Variants in CHD6 observed in about 807,000 individuals in gnomAD.
CHD6 encodes ATP-dependent chromatin remodeler CHD6.
CHD6 carries 50 observed loss-of-function variants against 276.9 expected under a neutral mutation model. The ratio of observed to expected loss-of-function variants is 0.18; its 90% CI spans 0.14 to 0.23. The LOEUF is 0.23. Ranked by LOEUF, CHD6 falls within the 10% of genes least tolerant of loss-of-function variation. CHD6 has a pLI of 1.00. For missense variants in CHD6, 2,564 were observed against 3,365.8 expected (o/e 0.76, Z 5.89); for synonymous variants, 1,173 against 1,229.3 (o/e 0.95, Z 0.96).
intron 1 of CHD6, among the ~76,000 whole-genome samples, chr20:41,602,578 T>C (rs939160959): frequency 2.6e-5 from 4 of 152,208 alleles, no homozygotes; most frequent in Admixed American, 1.3e-4. Flanking sequence ...CAGTCTCTAA[T>C]CCAACTGTGC....
Position 41,512,913 on chromosome 20 carries a change from G to A in CHD6, c.785C>T (p.Thr262Ile), listed in dbSNP as rs775133152. ...TCGACCAGCTCCAAGAACAGCAATTGTTTCCCCATCATCATCCACCACTTT... is the reference window on the plus strand; with the variant it reads ...TCGACCAGCTCCAAGAACAGCAATTATTTCCCCATCATCATCCACCACTTT... ...DFKVVDDDGETIAVLGAGRTS... is the reference protein window; with the variant it reads ...DFKVVDDDGEIIAVLGAGRTS... The change falls in exon 5 of 37, where the codon ACA becomes ATA. Residue 262 changes from threonine (T) to isoleucine (I), a missense_variant. By Grantham distance (89) the Thr-to-Ile change is moderately conservative. Transcript: ENST00000373233. 13 of 1,614,020 alleles carry A rather than the reference G, an allele frequency of 8.1e-6. No homozygotes were observed. Among genetic ancestry groups the A allele is most frequent in the Admixed American group, 1.7e-5 (1 of 60,016 alleles).
chr20:41,436,769 T>C (rs1433438628), intron 27 of CHD6, among the ~76,000 whole-genome samples: 1 of 152,164 alleles, frequency 6.6e-6, no homozygotes, highest in African/African-American at 2.4e-5. Context: ...AAAGTTTACA[T>C]ACTGTATGAT....
intron 3 of CHD6, among the ~76,000 whole-genome samples, chr20:41,527,969 A>G (rs1254760689): frequency 1.3e-5 from 2 of 152,146 alleles, no homozygotes; most frequent in African/African-American, 4.8e-5. Context: ...GGAGCTGCAC[A>G]CAGGTCCTCC....
chr20:41,405,520 A>T (rs761768510), intron 36 of CHD6, 31 bp from the exon 37 acceptor site: 15 of 1,517,312 alleles, frequency 9.9e-6, no homozygotes, highest in Non-Finnish European at 1.3e-5. Flanking sequence ...AAAATGCTGA[A>T]GGCAACAGGA....
At position 41,605,304 on chromosome 20, in the gene CHD6, T is replaced by A. The variant is rs538604834; in HGVS notation, c.-24+13036A>T. Reference sequence around the variant, plus strand: ...TAGAAAGGACTATAAATCCTTTAAGTATAAAAAATGTTTTTAATTTCTACA... The same window carrying A: ...TAGAAAGGACTATAAATCCTTTAAGAATAAAAAATGTTTTTAATTTCTACA... On this transcript the variant is annotated intron_variant, in intron 1 of 36. Transcript: ENST00000373233. Among the ~76,000 whole-genome samples the A allele has an allele frequency of 7.2e-5, 11 of 152,326 alleles. No homozygotes were observed. The South Asian group carries it at 2.3e-3, about 32-fold the overall frequency.
chr20:41,602,229 C>G (rs765474922), intron 1 of CHD6, among the ~76,000 whole-genome samples: 2 of 152,160 alleles, frequency 1.3e-5, no homozygotes, highest in Non-Finnish European at 2.9e-5. Context: ...ACATGAATTA[C>G]AAGAATTTCA....
At position 41,495,279 on chromosome 20, in the gene CHD6, A is replaced by G. The variant is rs1000165752; in HGVS notation, c.1093-1335T>C. On this transcript the variant is annotated intron_variant, in intron 8 of 36. Coordinates refer to ENST00000373233, the MANE Select transcript of CHD6 (RefSeq NM_032221.5). ...AGACAATAGAATATCATTCAGCTTTAAAAAAGAAAGAAATCCCATCATTTG... is the reference window on the plus strand; with the variant it reads ...AGACAATAGAATATCATTCAGCTTTGAAAAAGAAAGAAATCCCATCATTTG... Among the ~76,000 whole-genome samples the G allele has an allele frequency of 3.9e-5, 6 of 152,256 alleles. No individual in the cohort carries two copies. The East Asian group carries it at 1.2e-3, about 29-fold the overall frequency.
chr20:41,442,062 T>C (rs1258267036), intron 25 of CHD6, among the ~76,000 whole-genome samples: 1 of 152,164 alleles, frequency 6.6e-6, no homozygotes, highest in Non-Finnish European at 1.5e-5. Context: ...AAGCCAATGC[T>C]AATGGGGTCA....
At chr20:41,550,998 T>C (rs2045136993) in intron 2 of CHD6, among the ~76,000 whole-genome samples, 1 of 152,206 alleles carries the variant, frequency 6.6e-6, no homozygotes, top group South Asian at 2.1e-4. Flanking sequence ...ATTGGTCACA[T>C]CTCTCTTTCA....
intron 5 of CHD6, among the ~76,000 whole-genome samples, chr20:41,504,462 T>C (rs1201619235): frequency 1.4e-5 from 2 of 146,694 alleles, no homozygotes; most frequent in Non-Finnish European, 3.0e-5. Context: ...GGCTGGAAAG[T>C]GCAGTGGAAC....
rs11906044 is a variant in CHD6 at position 41,403,035 on chromosome 20, A to G, written c.*1558T>C. On this transcript the variant is annotated 3_prime_UTR_variant, in exon 37 of 37. Coordinates refer to ENST00000373233, the MANE Select transcript of CHD6 (RefSeq NM_032221.5). ...TTTAACAGACTTCTTTGAGATGCTC[A>G]TTTTAACATTTACATAATTTATAAT... 2 of 214,104 alleles carry G rather than the reference A, an allele frequency of 9.3e-6. No individual in the cohort carries two copies. The highest frequency in any genetic ancestry group is 4.5e-5 in the African/African-American group (2 of 44,178). The allele number at this position is 214,104 out of a possible 1,614,324, so 13.3% of individuals were successfully genotyped here. A position where few individuals can be genotyped will look rare whatever the true frequency, so the allele number is the denominator to read the frequency against.
intron 1 of CHD6, among the ~76,000 whole-genome samples, chr20:41,566,959 C>T (rs2045361952): frequency 4.6e-5 from 7 of 152,176 alleles, no homozygotes; most frequent in Admixed American, 4.6e-4. Flanking sequence ...TGACCAAGGA[C>T]ACCTGGTTAG....
intron 2 of CHD6, among the ~76,000 whole-genome samples, chr20:41,541,939 A>G (rs1324849960): frequency 6.6e-6 from 1 of 152,212 alleles, no homozygotes; most frequent in African/African-American, 2.4e-5. Context: ...ATATGCCGTC[A>G]ACCTAATTCT....
intron 1 of CHD6, among the ~76,000 whole-genome samples, chr20:41,608,676 T>C (rs1380745490): frequency 7.9e-5 from 12 of 152,178 alleles, no homozygotes; most frequent in Non-Finnish European, 2.9e-5. Context: ...CCATTATGAA[T>C]AATGAAAATG....
intron 1 of CHD6, among the ~76,000 whole-genome samples, chr20:41,617,363 T>C (rs1425648618): frequency 6.6e-6 from 1 of 152,232 alleles, no homozygotes; most frequent in Non-Finnish European, 1.5e-5. Flanking sequence ...TAACTGGAAC[T>C]AGGAATACTT....
intron 2 of CHD6, among the ~76,000 whole-genome samples, chr20:41,542,284 C>T (rs2044957694): frequency 6.6e-6 from 1 of 152,142 alleles, no homozygotes; most frequent in Admixed American, 6.5e-5. Context: ...CATTCCTGGC[C>T]CACATGTAGT....
intron 15 of CHD6, among the ~76,000 whole-genome samples, chr20:41,483,755 G>C (rs560552994): frequency 6.6e-6 from 1 of 152,246 alleles, no homozygotes; most frequent in Non-Finnish European, 1.5e-5. Context: ...GTAGAGAGAG[G>C]ATCTGAGATA....
chr20:41,451,109 A>G lies in CHD6; in HGVS notation c.3524-4T>C. On this transcript the variant is annotated splice_polypyrimidine_tract_variant and splice_region_variant and intron_variant, in intron 22 of 36. Coordinates refer to ENST00000373233, the MANE Select transcript of CHD6 (RefSeq NM_032221.5). ...CTGGGGACTGGGGCAGATAAGCCTG[A>G]AACAGAAAGACAGCATAGGGCAAGT... 6.2e-7 allele frequency: 1 copy of G among 1,613,230 alleles called. No individual in the cohort carries two copies. Among genetic ancestry groups the G allele is most frequent in the Non-Finnish European group, 8.5e-7 (1 of 1,179,472 alleles).
intron 27 of CHD6, among the ~76,000 whole-genome samples, chr20:41,432,242 G>A (rs1190432901): frequency 6.6e-6 from 1 of 151,644 alleles, no homozygotes; most frequent in Non-Finnish European, 1.5e-5. Context: ...TAGCAGGTTA[G>A]GGACACAGAA....
Sources: allele counts gnomAD v4.1 joint callset (sites outside exome capture counted in the v4.1 genomes callset), GRCh38; gene constraint gnomAD v4.1.1; transcripts MANE v1.5; gene names NCBI Gene and HGNC (gene_info 2026-07-23, HGNC 2026-07-21).